Variants in PDCL3 observed in about 807,000 individuals in gnomAD.
PDCL3 encodes phosducin like 3.
Under a neutral mutation model 26.5 loss-of-function variants are expected in PDCL3, and 22 were observed. The ratio of observed to expected loss-of-function variants is 0.83; its 90% confidence interval spans 0.59 to 1.19. The LOEUF is 1.19. Ranked by LOEUF, PDCL3 falls within the 50% of genes most tolerant of loss-of-function variation. The probability of loss-of-function intolerance (pLI) is 0.00; values close to 1 mark genes in which losing one functional copy is unlikely to be tolerated. For missense variants in PDCL3, 246 were observed against 294.1 expected (o/e 0.84, Z 1.20); for synonymous variants, 81 against 104.9 (o/e 0.77, Z 1.39).
chr2:100,566,685 C>T (rs1675068596), intron 2 of PDCL3, 56 bp downstream of exon 2: 2 of 1,597,698 alleles, frequency 1.3e-6, no homozygotes, highest in Non-Finnish European at 1.7e-6. Context: ...GCTCCCTAAG[C>T]CTCTGACTGC....
At position 100,569,226 on chromosome 2, in the gene PDCL3, C is replaced by A. The variant is rs140915925; in HGVS notation, c.224+205C>A. ...TGAAACCCCGTCTCTATAAATAATA[C>A]AAAAACTAGCTGGGTGTGGTGGTGA... On this transcript the variant is annotated intron_variant, in intron 3 of 5. Coordinates refer to ENST00000264254, the MANE Select transcript of PDCL3 (RefSeq NM_024065.5). Among the ~76,000 whole-genome samples, 703 of 152,086 alleles carry A rather than the reference C, an allele frequency of 4.6e-3. 12 individuals are homozygous for A. The highest frequency in any genetic ancestry group is 0.016 in the African/African-American group (670 of 41,482).
In PDCL3 at chr2:100,576,672, T is replaced by A; in HGVS notation, c.*176T>A. 5.1e-5 allele frequency: 1 copy of A among 19,668 alleles called. No homozygotes were observed. Among genetic ancestry groups the A allele is most frequent in the Non-Finnish European group, 6.0e-5 (1 of 16,590 alleles). The allele number at this position is 19,668 out of a possible 1,614,324, so 1.2% of individuals were successfully genotyped here. ...GATTCTGTTAAATATTTTGGAACTC[T>A]TTTTTTTTTTAAATTATAGTATTTC... On this transcript the variant is annotated 3_prime_UTR_variant, in exon 6 of 6. Coordinates refer to ENST00000264254, the MANE Select transcript of PDCL3 (RefSeq NM_024065.5).
At chr2:100,569,822 C>T in intron 4 of PDCL3, 101 bp downstream of exon 4, 1 of 1,377,648 alleles carries the variant, frequency 7.3e-7, no homozygotes. Flanking sequence ...ATTTTTTTTT[C>T]TGGGCCAGGC....
Position 100,566,559 on chromosome 2 carries a change from C to T in PDCL3, c.63C>T (p.Pro21=). 4.3e-6 allele frequency: 7 copies of T among 1,613,864 alleles called. No individual in the cohort carries two copies. Among genetic ancestry groups the T allele is most frequent in the Non-Finnish European group, 5.9e-6 (7 of 1,179,946 alleles). Residue 21 remains proline, a synonymous_variant, in exon 2 of 6, where the codon CCC becomes CCT. Transcript: ENST00000264254. ...NDILRKKGIL[P]PKESLKELEE... is the part of the protein sequence containing the mutation. ...TCTTACGCAAAAAGGGTATCTTACC[C>T]CCCAAGGAAAGTCTGAAAGAATTGG...
chr2:100,570,388 A>G (rs1675143074), intron 4 of PDCL3, among the ~76,000 whole-genome samples: 1 of 152,050 alleles, frequency 6.6e-6, no homozygotes, highest in Non-Finnish European at 1.5e-5. Context: ...TAATTGCCTG[A>G]ACTGTGTGAT....
At chr2:100,574,826 G>A (rs1371165327) in intron 5 of PDCL3, among the ~76,000 whole-genome samples, 4 of 152,180 alleles carry the variant, frequency 2.6e-5, no homozygotes, top group African/African-American at 9.7e-5. Flanking sequence ...ATTCAACTGA[G>A]CACGTTGGCT....
chr2:100,563,157 C>T (rs1674982602), intron 1 of PDCL3, 84 bp downstream of exon 1: 1 of 1,495,334 alleles, frequency 6.7e-7, no homozygotes. Context: ...GACGCCCGCC[C>T]TGGGGGAAGC....
rs59470637 is a variant in PDCL3 at position 100,563,829 on chromosome 2, G to C, written c.6+756G>C. ...AAATTCTAATCTCTGCTTAGTGGCA[G>C]ATGGAGAGGAGAGGGTGCGGGTTTT... On this transcript the variant is annotated intron_variant, in intron 1 of 5. Coordinates refer to ENST00000264254, the MANE Select transcript of PDCL3 (RefSeq NM_024065.5). 7.9e-5 allele frequency among the ~76,000 whole-genome samples: 12 copies of C among 151,852 alleles called. No individual in the cohort carries two copies. The East Asian group carries it at 2.3e-3, about 29-fold the overall frequency.
chr2:100,565,812 ACT>A (rs1391479920), intron 1 of PDCL3, among the ~76,000 whole-genome samples: 5 of 151,822 alleles, frequency 3.3e-5, no homozygotes, highest in Admixed American at 6.6e-5. Context: ...AACACAGGTG[ACT>A]CTCGCATTCA....
chr2:100,571,491 A>G (rs1012466758), intron 4 of PDCL3, 99 bp from the exon 5 acceptor site: 5 of 1,064,494 alleles, frequency 4.7e-6, no homozygotes, highest in Non-Finnish European at 4.1e-6. Flanking sequence ...TACTTGTGAA[A>G]CTGTTACAAG....
chr2:100,567,089 T>C (rs958042214), intron 2 of PDCL3, among the ~76,000 whole-genome samples: 4 of 152,092 alleles, frequency 2.6e-5, no homozygotes, highest in African/African-American at 7.2e-5. Context: ...TGGAGTCCCT[T>C]GGAGTGCTGG....
chr2:100,567,758 C>T (rs1474545956), intron 2 of PDCL3, among the ~76,000 whole-genome samples: 6 of 151,864 alleles, frequency 4.0e-5, no homozygotes, highest in Admixed American at 3.3e-4. Context: ...TAGTAAGGAC[C>T]TTGGCCTTTA....
intron 1 of PDCL3, chr2:100,563,280 T>C: frequency 3.8e-6 from 2 of 532,168 alleles, no homozygotes; most frequent in Non-Finnish European, 6.4e-6. Context: ...CCCGCCTCGG[T>C]GTGCCGGGTC....
intron 2 of PDCL3, 72 bp from the exon 3 acceptor site, chr2:100,568,859 G>A: frequency 8.0e-7 from 1 of 1,247,380 alleles, no homozygotes; most frequent in Non-Finnish European, 1.2e-6. Context: ...AGAAAAGAGA[G>A]GGGAAAAAAG....
intron 4 of PDCL3, among the ~76,000 whole-genome samples, chr2:100,570,870 A>C (rs930975562): frequency 1.3e-5 from 2 of 152,102 alleles, no homozygotes; most frequent in African/African-American, 4.8e-5. Context: ...ATGTATAGCA[A>C]TTTTATCTTT....
rs766139307 is a variant in PDCL3, at chr2:100,568,937, CAT to C, written c.143_144del (p.Tyr48Ter). 6.2e-6 allele frequency: 10 copies of C among 1,613,140 alleles called. No homozygotes were observed. The highest frequency in any genetic ancestry group is 3.3e-5 in the South Asian group (3 of 91,024). ...CCAATGTAACCAAATTCAGTGAAAA[CAT>C]ATGAAGATATGACTTTGGAAGAGCT... On this transcript the variant is annotated frameshift_variant, in exon 3 of 6. Transcript: ENST00000264254. LOFTEE classifies it high-confidence loss of function.
intron 5 of PDCL3, among the ~76,000 whole-genome samples, chr2:100,576,033 TA>T (rs1319659784): frequency 6.6e-6 from 1 of 152,130 alleles, no homozygotes; most frequent in African/African-American, 2.4e-5. Context: ...CAGCTGGGAT[TA>T]TAAGCACACA....
chr2:100,569,118 T>A, intron 3 of PDCL3, 97 bp downstream of exon 3: 1 of 1,030,610 alleles, frequency 9.7e-7, no homozygotes, highest in Non-Finnish European at 1.5e-6. Context: ...GGGCTGAGCA[T>A]GGTGACTCAT....
Position 100,567,602 on chromosome 2 carries a change from AAGG to A in PDCL3, c.133+977_133+979del, listed in dbSNP as rs536003110. 7.3e-3 allele frequency among the ~76,000 whole-genome samples: 1,107 copies of A among 152,178 alleles called. 5 individuals carry two copies. Among genetic ancestry groups the A allele is most frequent in the Non-Finnish European group, 0.01 (700 of 68,004 alleles). On this transcript the variant is annotated intron_variant, in intron 2 of 5. Transcript: ENST00000264254. ...GACCTGAGGGAGTTGTTGAGACCTG[AAGG>A]AGGTGAAGAAGACATCTGGGTATTC...
Sources: gnomAD v4.1 joint callset for allele counts (sites outside exome capture counted in the v4.1 genomes callset) on GRCh38, gnomAD v4.1.1 for gene constraint, MANE v1.5 for transcripts, NCBI Gene and HGNC (gene_info 2026-07-23, HGNC 2026-07-21) for gene names.